CACNA1E: variants seen among roughly 807,000 people sequenced by gnomAD.
The protein encoded by CACNA1E is calcium voltage-gated channel subunit alpha1 E, also known as voltage-dependent R-type calcium channel subunit alpha-1E.
In CACNA1E, 40 loss-of-function variants were observed where a neutral mutation model predicts 259.2. The ratio of observed to expected loss-of-function variants is 0.15; its 90% confidence interval spans 0.12 to 0.20. The LOEUF (loss-of-function observed/expected upper bound fraction) is 0.20. CACNA1E is among the 10% of genes least tolerant of loss of function. The pLI is 1.00. For synonymous variants in CACNA1E, 1,104 were observed against 1,138.5 expected (o/e 0.97, Z 0.61); for missense variants, 1,874 against 3,040.1 (o/e 0.62, Z 9.02).
At chr1:181,547,378 G>A (rs910857834) in intron 3 of CACNA1E, among the ~76,000 whole-genome samples, 1 of 152,170 alleles carries the variant, frequency 6.6e-6, no homozygotes, top group African/African-American at 2.4e-5. Flanking sequence ...GCCCTCCTCT[G>A]GAATCCTCTA....
intron 6 of CACNA1E, among the ~76,000 whole-genome samples, chr1:181,612,228 G>C (rs150310709): frequency 6.6e-6 from 1 of 152,286 alleles, no homozygotes; most frequent in African/African-American, 2.4e-5. Context: ...GGACTTTCAG[G>C]TCTCTCTGGA....
intron 3 of CACNA1E, among the ~76,000 whole-genome samples, chr1:181,539,961 A>G (rs1668456226): frequency 6.6e-6 from 1 of 152,212 alleles, no homozygotes; most frequent in Admixed American, 6.5e-5. Flanking sequence ...CCCCAGTCTT[A>G]CAACAAATAA....
chr1:181,512,123 T>C (rs1299522912), intron 3 of CACNA1E, among the ~76,000 whole-genome samples: 1 of 152,246 alleles, frequency 6.6e-6, no homozygotes, highest in Non-Finnish European at 1.5e-5. Context: ...CAGCAGCATA[T>C]ATGATGGCAG....
chr1:181,412,005 C>G lies in CACNA1E; in HGVS notation c.-14-1128C>G, dbSNP rs560688974. On this transcript the variant is annotated intron_variant, in intron 1 of 11. Coordinates refer to the CACNA1E transcript ENST00000524607. ...ACAATCGATGTTCTTCCTGCCTCTT[C>G]CATGAGGATGATGTGGACTAAGTCC... Among the ~76,000 whole-genome samples, 6 of 152,386 alleles carry G rather than the reference C, an allele frequency of 3.9e-5. No homozygotes were observed. The East Asian group carries it at 9.6e-4, about 24-fold the overall frequency.
chr1:181,749,744 T>C (rs1383575007), intron 25 of CACNA1E, among the ~76,000 whole-genome samples: 1 of 152,260 alleles, frequency 6.6e-6, no homozygotes, highest in Non-Finnish European at 1.5e-5. Context: ...TGACTTATTT[T>C]AAATGCCTCA....
intron 3 of CACNA1E, among the ~76,000 whole-genome samples, chr1:181,514,089 G>A (rs1666367227): frequency 6.6e-6 from 1 of 152,144 alleles, no homozygotes; most frequent in African/African-American, 2.4e-5. Flanking sequence ...CTGCTGAGGG[G>A]CTGAGGGTTG....
chr1:181,378,457 T>C (rs1175873189), intron 1 of CACNA1E, among the ~76,000 whole-genome samples: 2 of 152,204 alleles, frequency 1.3e-5, no homozygotes, highest in Non-Finnish European at 2.9e-5. Flanking sequence ...GCAGACTCCC[T>C]GAATTGAGGA....
intron 1 of CACNA1E, among the ~76,000 whole-genome samples, chr1:181,378,208 C>T (rs993789569): frequency 1.3e-5 from 2 of 152,212 alleles, no homozygotes; most frequent in African/African-American, 2.4e-5. Flanking sequence ...TAACAGAGAT[C>T]TGGCTTCTGG....
intron 2 of CACNA1E, among the ~76,000 whole-genome samples, chr1:181,467,548 G>A (rs774688973): frequency 6.6e-6 from 1 of 152,102 alleles, no homozygotes; most frequent in Non-Finnish European, 1.5e-5. Context: ...TTCAGCTTGG[G>A]TTGTCCCTTC....
In CACNA1E at chr1:181,692,782, A is replaced by G. The variant is rs150636970; in HGVS notation, c.1056-18172A>G. On this transcript the variant is annotated intron_variant, in intron 7 of 47. Transcript: ENST00000367573. ...TCCTCAAAAGCAATTGCAATAAAAA[A>G]CAATTGACAAGTGGGACCTAATTAA... 2.9e-3 allele frequency among the ~76,000 whole-genome samples: 434 copies of G among 152,248 alleles called. 1 individual carries two copies. The highest frequency in any genetic ancestry group is 3.1e-3 in the Admixed American group (47 of 15,284).
chr1:181,746,904 G>T (rs1242692253), intron 25 of CACNA1E, among the ~76,000 whole-genome samples: 1 of 152,128 alleles, frequency 6.6e-6, no homozygotes, highest in African/African-American at 2.4e-5. Flanking sequence ...CCTTAACTTT[G>T]AACCTCTGCT....
intron 3 of CACNA1E, among the ~76,000 whole-genome samples, chr1:181,531,752 T>C (rs1667798349): frequency 6.6e-6 from 1 of 152,186 alleles, no homozygotes; most frequent in Middle Eastern, 3.2e-3. Context: ...GCTGTGGGAC[T>C]GAGGCTGAAG....
At chr1:181,399,918 T>C (rs544191374) in intron 1 of CACNA1E, among the ~76,000 whole-genome samples, 95 of 152,368 alleles carry the variant, frequency 6.2e-4, no homozygotes, top group African/African-American at 2.3e-3. Context: ...ACCCATGCCA[T>C]AGTAATGGAC....
intron 20 of CACNA1E, 71 bp from the exon 21 acceptor site, chr1:181,733,366 C>T: frequency 1.5e-6 from 2 of 1,354,686 alleles, no homozygotes; most frequent in Non-Finnish European, 2.0e-6. Flanking sequence ...CCGCCTTCCC[C>T]TTGTGCCAGG....
intron 1 of CACNA1E, among the ~76,000 whole-genome samples, chr1:181,339,088 G>A (rs893150129): frequency 8.5e-5 from 13 of 152,090 alleles, no homozygotes; most frequent in African/African-American, 2.9e-4. Context: ...TTGAAATCAG[G>A]AAGTATGATG....
chr1:181,401,948 G>GAGCCT (rs1325087369), intron 1 of CACNA1E, among the ~76,000 whole-genome samples: 1 of 152,206 alleles, frequency 6.6e-6, no homozygotes, highest in Non-Finnish European at 1.5e-5. Context: ...CTCCAATGAA[G>GAGCCT]AGCCTGGCCC....
chr1:181,748,429 G>C (rs1273765136), intron 25 of CACNA1E, among the ~76,000 whole-genome samples: 2 of 152,154 alleles, frequency 1.3e-5, no homozygotes, highest in African/African-American at 2.4e-5. Context: ...AGGTGTGTGG[G>C]AGGAGCAGGA....
rs919524465 is a variant in CACNA1E at position 181,587,702 on chromosome 1, T to C, written c.951+6926T>C. On this transcript the variant is annotated intron_variant, in intron 6 of 47. Coordinates refer to ENST00000367573, the MANE Select transcript of CACNA1E (RefSeq NM_001205293.3). ...ATCGAGACCATCCTGGCTAACACGG[T>C]GAAACCCCGTCTCTACTAAAAATAT... 1.3e-5 allele frequency among the ~76,000 whole-genome samples: 2 copies of C among 151,856 alleles called. 1 individual carries two copies. The highest frequency in any genetic ancestry group is 2.9e-5 in the Non-Finnish European group (2 of 67,960).
rs77955827 is a variant in CACNA1E at position 181,460,035 on chromosome 1, G to C, written c.435-23709G>C. ...CCCTCACTCCTGCTTCCTTGCGTTT[G>C]CATACCTTAATAAAGGCACCTGAAC... On this transcript the variant is annotated intron_variant, in intron 2 of 11. Coordinates refer to the CACNA1E transcript ENST00000524607. Among the ~76,000 whole-genome samples the C allele has an allele frequency of 6.4e-3, 978 of 152,212 alleles. 3 individuals are homozygous for C. The highest frequency in any genetic ancestry group is 0.02 in the Middle Eastern group (6 of 294).
Sources: allele counts gnomAD v4.1 joint callset (sites outside exome capture counted in the v4.1 genomes callset), GRCh38; gene constraint gnomAD v4.1.1; transcripts MANE v1.5; gene names NCBI Gene and HGNC (gene_info 2026-07-23, HGNC 2026-07-21).